Variants in HLA-DQB1 observed in about 807,000 individuals in gnomAD.
HLA-DQB1 encodes HLA class II histocompatibility antigen, DQ beta 1 chain.
A neutral mutation model predicts 26.4 loss-of-function variants in HLA-DQB1; 13 were observed. The ratio of observed to expected loss-of-function variants is 0.49; its 90% CI spans 0.32 to 0.78. The LOEUF (loss-of-function observed/expected upper bound fraction) is 0.78, where lower values mean the gene tolerates loss of function less well. HLA-DQB1 is among the 30% of genes least tolerant of loss of function. The probability of loss-of-function intolerance (pLI) is 0.03; values close to 1 mark genes in which losing one functional copy is unlikely to be tolerated. For synonymous variants in HLA-DQB1, 60 were observed against 129.1 expected, an observed-to-expected ratio of 0.46 and a Z score of 3.63; for missense variants, 158 against 326.2, an observed-to-expected ratio of 0.48 and a Z score of 3.97.
Position 32,660,220 on chromosome 6 carries a change from A to C in HLA-DQB1, c.*16T>G. Reference sequence around the variant, plus strand: ...AGAAGAGTGATAACCAATCCTAGTTAAAATAGTCTCAGGAGTCAGTGCAGA... The same window carrying C: ...AGAAGAGTGATAACCAATCCTAGTTCAAATAGTCTCAGGAGTCAGTGCAGA... On this transcript the variant is annotated 3_prime_UTR_variant, in exon 5 of 5. Coordinates refer to ENST00000434651, the Ensembl canonical transcript of HLA-DQB1. The C allele has an allele frequency of 2.1e-6, 2 of 956,086 alleles. 1 individual carries two copies. Among genetic ancestry groups the C allele is most frequent in the East Asian group, 6.6e-5 (2 of 30,440 alleles). The allele number at this position is 956,086 out of a possible 1,614,324, so 59.2% of individuals were successfully genotyped here.
At chr6:32,660,000 G>T in exon 5 of HLA-DQB1, 1 of 295,812 alleles carries the variant, frequency 3.4e-6, no homozygotes, top group Non-Finnish European at 6.3e-6. Flanking sequence ...CTTGGGACCT[G>T]AGTAGACGCA....
chr6:32,661,883 A>G (rs281864192), intron 3 of HLA-DQB1, 84 bp downstream of exon 3: 18 of 1,037,348 alleles, frequency 1.7e-5, no homozygotes, highest in Non-Finnish European at 2.8e-6. Context: ...TAGTGACATC[A>G]GGGATAAGAG....
At chr6:32,666,358 A>G (rs281860975) in intron 1 of HLA-DQB1, 141 bp downstream of exon 1, 1 of 434,700 alleles carries the variant, frequency 2.3e-6, no homozygotes, top group East Asian at 4.9e-5. Flanking sequence ...GGAATGCAAC[A>G]TAGCTTTCTT....
intron 2 of HLA-DQB1, chr6:32,662,669 A>AT (rs201912804): frequency 0.28 from 31,653 of 114,240 alleles, 7,401 homozygotes; most frequent in South Asian, 0.33. Flanking sequence ...ATAGTAAAAA[A>AT]AATGACACAT....
chr6:32,661,520 T>C (rs9273704), intron 3 of HLA-DQB1, 63 bp from the exon 4 acceptor site: 345,574 of 843,230 alleles, frequency 0.41, 99,662 homozygotes, highest in South Asian at 0.65. Context: ...TGCTGAGGAG[T>C]TGAAGTCCAG....
At chr6:32,660,892 G>A (rs1199115156) in intron 4 of HLA-DQB1, 2 of 1,520,598 alleles carry the variant, frequency 1.3e-6, no homozygotes, top group Non-Finnish European at 1.8e-6. Flanking sequence ...CTTACAAAAG[G>A]AAGTTATGCA....
chr6:32,662,436 T>C (rs4360168), intron 2 of HLA-DQB1, 188 bp from the exon 3 acceptor site: 41,562 of 70,068 alleles, frequency 0.59, 17,679 homozygotes, highest in East Asian at 0.89. Context: ...AATAACATAC[T>C]ATGGTCCCTG....
intron 2 of HLA-DQB1, 79 bp from the exon 3 acceptor site, chr6:32,662,327 C>T: frequency 3.3e-6 from 2 of 611,622 alleles, no homozygotes; most frequent in Non-Finnish European, 4.6e-6. Context: ...AGGAAGGATC[C>T]CTCCTTGGAC....
At chr6:32,664,836 T>C (rs281862115) in exon 2 of HLA-DQB1, 2 of 1,117,638 alleles carry the variant, frequency 1.8e-6, no homozygotes, top group East Asian at 5.2e-5. Flanking sequence ...CACCTCGTAG[T>C]TGTGTCTGCA....
chr6:32,663,489 A>T (rs9274242), intron 2 of HLA-DQB1: 1 of 137,058 alleles, frequency 7.3e-6, no homozygotes, highest in African/African-American at 2.6e-5. Context: ...AAGGCCTTAC[A>T]TCCCTTAGAC....
exon 5 of HLA-DQB1, chr6:32,659,490 T>C (rs1782771904): frequency 6.7e-6 from 1 of 149,818 alleles, no homozygotes; most frequent in Non-Finnish European, 1.5e-5. Flanking sequence ...ATAGTATTTT[T>C]ATTGCTGGTT....
intron 1 of HLA-DQB1, 139 bp from the exon 2 acceptor site, chr6:32,665,206 G>T (rs28746803): frequency 0.15 from 71,513 of 473,114 alleles, 8,247 homozygotes; most frequent in East Asian, 0.31. Flanking sequence ...TCCAGACCTG[G>T]GATCCTCCCG....
exon 2 of HLA-DQB1, chr6:32,664,863 G>GACT (rs745671219): frequency 8.9e-7 from 1 of 1,118,970 alleles, no homozygotes; most frequent in Non-Finnish European, 1.3e-6. Flanking sequence ...GTCCAACTCC[G>GACT]CCCGGGTCCC....
At chr6:32,661,902 G>T in intron 3 of HLA-DQB1, 65 bp downstream of exon 3, 1 of 1,111,658 alleles carries the variant, frequency 9.0e-7, no homozygotes, top group African/African-American at 1.8e-5. Context: ...AGATGGGAAG[G>T]AATGGGTCAG....
At chr6:32,664,656 C>G (rs9274352) in intron 2 of HLA-DQB1, 142 bp downstream of exon 2, 5,646 of 223,218 alleles carry the variant, frequency 0.025, 1,049 homozygotes, top group Admixed American at 0.053. Context: ...CCTGCCCCCA[C>G]CACCCCGCCG....
Position 32,665,110 on chromosome 6 carries a change from C to A in HLA-DQB1, c.110-43G>T, listed in dbSNP as rs201184533. ...CCGGTCAGTCAGGCCCCAGCCCGGC[C>A]GCCCCCGCAGCCGCCGCCCTGACCC... On this transcript the variant is annotated intron_variant, in intron 1 of 4. Transcript: ENST00000434651. 9.7e-6 allele frequency: 10 copies of A among 1,029,934 alleles called. 2 individuals are homozygous for A. In the African/African-American group the frequency reaches 2.2e-4, roughly 23 times the overall value. The allele number at this position is 1,029,934 out of a possible 1,614,324, so 63.8% of individuals were successfully genotyped here.
intron 4 of HLA-DQB1, 79 bp from the exon 5 acceptor site, chr6:32,660,328 C>CT: frequency 1.4e-6 from 1 of 716,204 alleles, no homozygotes; most frequent in South Asian, 2.0e-5. Context: ...CAGGGGCCCC[C>CT]TGCAGCTTCA....
chr6:32,665,124 C>A, intron 1 of HLA-DQB1, 57 bp from the exon 2 acceptor site: 1 of 980,384 alleles, frequency 1.0e-6, no homozygotes, highest in Non-Finnish European at 1.4e-6. Flanking sequence ...CCCGCAGCCG[C>A]CGCCCTGACC....
chr6:32,664,865 C>T (rs3204379), exon 2 of HLA-DQB1: 36,558 of 1,197,756 alleles, frequency 0.031, 9,143 homozygotes, highest in South Asian at 0.22. Context: ...CCAACTCCGC[C>T]CGGGTCCCCT....
Sources: gnomAD v4.1 joint callset for allele counts on GRCh38, gnomAD v4.1.1 for gene constraint, MANE v1.5 for transcripts, NCBI Gene and HGNC (gene_info 2026-07-23, HGNC 2026-07-21) for gene names.